Variants in POLR1F observed in about 807,000 individuals in gnomAD.
POLR1F encodes the protein DNA-directed RNA polymerase I subunit RPA43.
POLR1F carries 23 observed loss-of-function variants against 21.8 expected under a neutral mutation model. That is an observed-to-expected ratio of 1.05 (90% confidence interval 0.76 to 1.49). The LOEUF (loss-of-function observed/expected upper bound fraction) is 1.49. POLR1F is among the 40% of genes most tolerant of loss of function. POLR1F has a pLI of 0.00. For synonymous variants in POLR1F, 162 were observed against 152.8 expected (o/e 1.06, Z -0.45); for missense variants, 435 against 412.1 (o/e 1.06, Z -0.48).
rs1452548368 is a variant in POLR1F at position 19,708,992 on chromosome 7, G to A, written c.25C>T (p.Pro9Ser). Reference sequence around the variant, plus strand: ...CCATCAGAAGCCGCCGCTGGCCGCGGCGCCTCTGAGCAACCTGCAGCCATG... The same window carrying A: ...CCATCAGAAGCCGCCGCTGGCCGCGACGCCTCTGAGCAACCTGCAGCCATG... MAAGCSEAPRPAAASDGSL... is the reference protein window; with the variant it reads MAAGCSEASRPAAASDGSL... The change falls in exon 1 of 4, where the codon CCG becomes TCG. Residue 9 changes from proline to serine, a missense_variant. Pro to Ser is a moderately conservative substitution (Grantham distance 74, BLOSUM62 -1). Transcript: ENST00000222567. The A allele has an allele frequency of 8.8e-6, 14 of 1,592,594 alleles. No individual in the cohort carries two copies. The highest frequency in any genetic ancestry group is 1.1e-5 in the Non-Finnish European group (13 of 1,168,420).
intron 3 of POLR1F, 57 bp from the exon 4 acceptor site, chr7:19,698,784 A>G (rs1783410300): frequency 1.1e-5 from 15 of 1,400,212 alleles, no homozygotes; most frequent in African/African-American, 2.9e-5. Flanking sequence ...CAAAGAACAA[A>G]TTGAGATCAA....
chr7:19,704,011 C>G (rs953342772), intron 2 of POLR1F, among the ~76,000 whole-genome samples: 2 of 152,130 alleles, frequency 1.3e-5, no homozygotes, highest in Non-Finnish European at 2.9e-5. Context: ...CCCAGTTTAA[C>G]AGGCAAAGGA....
Position 19,696,742 on chromosome 7 carries a change from T to C in POLR1F, c.*1574A>G, listed in dbSNP as rs1042615768. 1 of 152,116 alleles carries C rather than the reference T, an allele frequency of 6.6e-6. No homozygotes were observed. Among genetic ancestry groups the C allele is most frequent in the African/African-American group, 2.4e-5 (1 of 41,448 alleles). 9.4% of individuals were successfully genotyped at this position (152,116 alleles called of 1,614,324 possible). ...AAAAATAAACTGAGAAAGGCTAAAA[T>C]TGTTTTATTTAAGCCACTATACCAA... is the stretch of plus-strand genomic sequence containing the variant. On this transcript the variant is annotated 3_prime_UTR_variant, in exon 4 of 4. Transcript: ENST00000222567.
In POLR1F at chr7:19,698,724, T is replaced by C. The variant is rs1783409515; in HGVS notation, c.609A>G (p.Leu203=). ...CAGAAACTTCAGAGCGCTTGAATTG[T>C]AAACTATAAATTAACAGTTAAAAAA... The part of the protein sequence containing the change: ...CIRGKLNITS[L]QFKRSEVSEE... Residue 203 remains leucine, a synonymous_variant, in exon 4 of 4, where the codon TTA becomes TTG. Transcript: ENST00000222567. 1.3e-6 allele frequency: 2 copies of C among 1,522,102 alleles called. No homozygotes were observed. Among genetic ancestry groups the C allele is most frequent in the South Asian group, 1.4e-5 (1 of 73,426 alleles). The allele number at this position is 1,522,102 out of a possible 1,614,324, so 94.3% of individuals were successfully genotyped here.
rs1783369300 is a variant in POLR1F at position 19,696,718 on chromosome 7, AAAAT to A, written c.*1594_*1597del. 6.6e-6 allele frequency: 1 copy of A among 152,132 alleles called. No individual in the cohort carries two copies. Among genetic ancestry groups the A allele is most frequent in the Admixed American group, 6.5e-5 (1 of 15,272 alleles). 9.4% of individuals were successfully genotyped at this position (152,132 alleles called of 1,614,324 possible). ...GTACAATTTTTAATCTTTTTGCAGAAAAATAAACTGAGAAAGGCTAAAATTGTTT... is the reference window on the plus strand; with the variant it reads ...GTACAATTTTTAATCTTTTTGCAGAAAAACTGAGAAAGGCTAAAATTGTTT... On this transcript the variant is annotated 3_prime_UTR_variant, in exon 4 of 4. Transcript: ENST00000222567.
At chr7:19,703,282 T>G (rs1297402279) in intron 2 of POLR1F, among the ~76,000 whole-genome samples, 1 of 151,952 alleles carries the variant, frequency 6.6e-6, no homozygotes, top group Non-Finnish European at 1.5e-5. Flanking sequence ...TATGATAAAA[T>G]CAGAAGAGTA....
At chr7:19,700,700 A>C (rs978772614) in intron 2 of POLR1F, among the ~76,000 whole-genome samples, 121 of 152,308 alleles carry the variant, frequency 7.9e-4, no homozygotes, top group African/African-American at 2.8e-3. Flanking sequence ...AAGACCTCAT[A>C]TGCGTTTTAT....
Position 19,697,188 on chromosome 7 carries a change from TC to T in POLR1F, c.*1127del, listed in dbSNP as rs950288629. ...ACAGGTAACAGTGAGTGAACAATCCTCCCCCTTTTTTTCATACCACTTAATA... is the reference window on the plus strand; with the variant it reads ...ACAGGTAACAGTGAGTGAACAATCCTCCCCTTTTTTTCATACCACTTAATA... On this transcript the variant is annotated 3_prime_UTR_variant, in exon 4 of 4. Transcript: ENST00000222567. The T allele has an allele frequency of 1.3e-5, 2 of 152,090 alleles. No individual in the cohort carries two copies. The highest frequency in any genetic ancestry group is 2.9e-5 in the Non-Finnish European group (2 of 67,958). 9.4% of individuals were successfully genotyped at this position (152,090 alleles called of 1,614,324 possible).
chr7:19,701,224 T>G (rs1232895416), intron 2 of POLR1F, among the ~76,000 whole-genome samples: 2 of 152,162 alleles, frequency 1.3e-5, no homozygotes, highest in Non-Finnish European at 2.9e-5. Context: ...GATAAATAAG[T>G]TCTCACCATA....
rs768274210 is a variant in POLR1F, at chr7:19,709,003, C to A, written c.14G>T (p.Cys5Phe). MAAG[C>F]SEAPRPAAAS... Reference sequence around the variant, plus strand: ...CGCCGCTGGCCGCGGCGCCTCTGAGCAACCTGCAGCCATGCTGCTTGTCAA... The same window carrying A: ...CGCCGCTGGCCGCGGCGCCTCTGAGAAACCTGCAGCCATGCTGCTTGTCAA... The change falls in exon 1 of 4, where the codon TGC becomes TTC. Residue 5 changes from cysteine to phenylalanine, a missense_variant. Physicochemically the swap from Cys to Phe is radical, Grantham distance 205 (BLOSUM62 -2). Transcript: ENST00000222567. The A allele has an allele frequency of 3.8e-6, 6 of 1,586,396 alleles. No homozygotes were observed. In the South Asian group the frequency reaches 4.4e-5, roughly 12 times the overall value.
chr7:19,698,925 A>T (rs1783413117), intron 3 of POLR1F, among the ~76,000 whole-genome samples, 198 bp from the exon 4 acceptor site: 1 of 152,144 alleles, frequency 6.6e-6, no homozygotes, highest in Non-Finnish European at 1.5e-5. Context: ...CTGAATGTTA[A>T]ATTGAAAAAT....
In POLR1F at chr7:19,704,830, G is replaced by A. The variant is rs1283968718; in HGVS notation, c.345C>T (p.Asn115=). ...IYDDQGHIHL[N]IEADFVIFCP... ...AGAAAATAACAAAATCGGCTTCAAT[G>A]TTAAGATGAATGTGTCCTTGATCAT... The change falls in exon 2 of 4, where the codon AAC becomes AAT. Residue 115 remains asparagine, a synonymous_variant. Transcript: ENST00000222567. 4 of 1,609,012 alleles carry A rather than the reference G, an allele frequency of 2.5e-6. No individual in the cohort carries two copies. The highest frequency in any genetic ancestry group is 3.4e-6 in the Non-Finnish European group (4 of 1,178,402).
chr7:19,704,990 GT>G, intron 1 of POLR1F, 70 bp from the exon 2 acceptor site: 1 of 1,466,076 alleles, frequency 6.8e-7, no homozygotes. Flanking sequence ...TGGAGACAGG[GT>G]CTTGCTCTGT....
chr7:19,705,244 T>C (rs1166063176), intron 1 of POLR1F: 1 of 181,446 alleles, frequency 5.5e-6, no homozygotes, highest in African/African-American at 2.3e-5. Context: ...ACTTTAGTAG[T>C]CCCATTTCAC....
chr7:19,708,854 T>G lies in POLR1F; in HGVS notation c.163A>C (p.Arg55=). The change falls in exon 1 of 4, where the codon AGG becomes CGG. Residue 55 remains arginine (R), a synonymous_variant. Coordinates refer to ENST00000222567, the MANE Select transcript of POLR1F (RefSeq NM_001002926.2). ...YSCLVAGPHQ[R]HIALSPRYLN... Reference sequence around the variant, plus strand: ...TAGCGGGGCGACAGCGCGATGTGCCTTTGGTGCGGCCCGGCCACCAGGCAT... The same window carrying G: ...TAGCGGGGCGACAGCGCGATGTGCCGTTGGTGCGGCCCGGCCACCAGGCAT... 1 of 1,614,200 alleles carries G rather than the reference T, an allele frequency of 6.2e-7. No individual in the cohort carries two copies. Among genetic ancestry groups the G allele is most frequent in the Non-Finnish European group, 8.5e-7 (1 of 1,180,018 alleles).
At chr7:19,701,698 A>G (rs564234202) in intron 2 of POLR1F, among the ~76,000 whole-genome samples, 2 of 80,124 alleles carry the variant, frequency 2.5e-5, no homozygotes, top group South Asian at 1.1e-3. Context: ...TCTGTTAACT[A>G]ACCTTTAAGT....
At chr7:19,704,687 G>A (rs1007032973) in intron 2 of POLR1F, 92 bp downstream of exon 2, 3 of 1,112,474 alleles carry the variant, frequency 2.7e-6, no homozygotes, top group African/African-American at 3.3e-5. Context: ...CAATTTATTT[G>A]AGTCCCAAGG....
intron 1 of POLR1F, among the ~76,000 whole-genome samples, chr7:19,706,667 T>G (rs1175230755): frequency 6.6e-6 from 1 of 152,212 alleles, no homozygotes; most frequent in East Asian, 1.9e-4. Flanking sequence ...AAAGTCATCT[T>G]TGCACAGTTT....
At chr7:19,698,989 A>T (rs1783413988) in intron 3 of POLR1F, among the ~76,000 whole-genome samples, 1 of 152,116 alleles carries the variant, frequency 6.6e-6, no homozygotes, top group Non-Finnish European at 1.5e-5. Flanking sequence ...CTTCTCCCAG[A>T]CTGTTTCCAC....
Sources: gnomAD v4.1 joint callset for allele counts (sites outside exome capture counted in the v4.1 genomes callset) on GRCh38, gnomAD v4.1.1 for gene constraint, MANE v1.5 for transcripts, NCBI Gene and HGNC (gene_info 2026-07-23, HGNC 2026-07-21) for gene names.